The following OLFML2A variants were observed in gnomAD, a reference collection of about 807,000 sequenced individuals.
The protein encoded by OLFML2A is olfactomedin like 2A, also known as olfactomedin-like protein 2A.
A neutral mutation model predicts 60.9 loss-of-function variants in OLFML2A; 47 were observed. The observed-to-expected ratio is 0.77, with a 90% confidence interval of 0.61 to 0.98. The LOEUF (loss-of-function observed/expected upper bound fraction) is 0.98, where lower values mean the gene tolerates loss of function less well. OLFML2A is among the 50% of genes least tolerant of loss of function. The pLI, the probability that OLFML2A is intolerant of heterozygous loss-of-function variation, is 0.00. For missense variants in OLFML2A, 922 were observed against 879.8 expected (o/e 1.05, Z -0.61); for synonymous variants, 372 against 375.0 (o/e 0.99, Z 0.09).
In OLFML2A at chr9:124,804,357, C is replaced by T; in HGVS notation, c.1168+15C>T. The T allele has an allele frequency of 2.6e-6, 4 of 1,533,158 alleles. No individual in the cohort carries two copies. The highest frequency in any genetic ancestry group is 3.5e-6 in the Non-Finnish European group (4 of 1,138,486). The allele number at this position is 1,533,158 out of a possible 1,614,324, so 95.0% of individuals were successfully genotyped here. The stretch of plus-strand genomic sequence containing the variant: ...CTCCAGCCAAGGTGAGTGAGCCTCA[C>T]AGGAGTCAGCACACTGTAGCCTGTG... On this transcript the variant is annotated intron_variant, in intron 6 of 7. Transcript: ENST00000373580.
At chr9:124,786,688 T>C (rs1469403312) in intron 1 of OLFML2A, among the ~76,000 whole-genome samples, 2 of 145,768 alleles carry the variant, frequency 1.4e-5, no homozygotes, top group Non-Finnish European at 3.0e-5. Flanking sequence ...GCTACTGCAC[T>C]CCAGCCTGGG....
In OLFML2A at chr9:124,809,250, A is replaced by C. The variant is rs76661878; in HGVS notation, c.1355-558A>C. ...AAATTGGCCGGCTTTCTGCTCAAGC[A>C]GCGCACAGGGTGGTGGAGGAAGCCA... On this transcript the variant is annotated intron_variant, in intron 7 of 7. Transcript: ENST00000373580. Among the ~76,000 whole-genome samples the C allele has an allele frequency of 5.0e-3, 767 of 152,276 alleles. 15 individuals are homozygous for C. The East Asian group carries it at 0.061, about 12-fold the overall frequency.
chr9:124,801,674 G>A lies in OLFML2A; in HGVS notation c.919+11G>A, dbSNP rs189274809. 100 of 1,610,800 alleles carry A rather than the reference G, an allele frequency of 6.2e-5. No individual in the cohort carries two copies. The African/African-American group carries it at 1.1e-3, about 18-fold the overall frequency. ...CCGAGGCGGTGGCAGGTGAGTAGGA[G>A]GGGAATGGGGACCCTGGGGAGTCAG... On this transcript the variant is annotated intron_variant, in intron 5 of 7. Transcript: ENST00000373580.
At chr9:124,803,761 G>A (rs977207590) in intron 5 of OLFML2A, among the ~76,000 whole-genome samples, 2 of 152,222 alleles carry the variant, frequency 1.3e-5, no homozygotes, top group South Asian at 4.1e-4. Context: ...CCTCGTATTT[G>A]CTGGGATCTG....
Position 124,807,850 on chromosome 9 carries a change from G to A in OLFML2A, c.1238G>A (p.Arg413His), listed in dbSNP as rs201318957. ...DPPVRHHSYG[R>H]HEGAWMKDPA... is the part of the protein sequence containing the mutation. ...CCTGTGAGGCACCACAGCTATGGGCGCCACGAGGGAGCCTGGATGAAGGAC... is the reference window on the plus strand; with the variant it reads ...CCTGTGAGGCACCACAGCTATGGGCACCACGAGGGAGCCTGGATGAAGGAC... Residue 413 changes from arginine (R) to histidine (H), a missense_variant, in exon 7 of 8, where the codon CGC becomes CAC. Coordinates refer to ENST00000373580, the MANE Select transcript of OLFML2A (RefSeq NM_182487.4). The A allele has an allele frequency of 3.0e-5, 48 of 1,614,044 alleles. No homozygotes were observed. Among genetic ancestry groups the A allele is most frequent in the East Asian group, 8.9e-5 (4 of 44,870 alleles).
Position 124,807,944 on chromosome 9 carries a change from C to A in OLFML2A, c.1332C>A (p.Arg444=), listed in dbSNP as rs758056663. ...YYYGNSLVEF[R]NLENFKQGRW... is the part of the protein sequence containing the mutation. ...ATGGAAACAGCCTGGTGGAGTTCCG[C>A]AACCTGGAAAACTTCAAGCAAGGTC... is the stretch of plus-strand genomic sequence containing the variant. Residue 444 remains arginine (R), a synonymous_variant, in exon 7 of 8, where the codon CGC becomes CGA. Transcript: ENST00000373580. 1.2e-6 allele frequency: 2 copies of A among 1,613,932 alleles called. No individual in the cohort carries two copies. The highest frequency in any genetic ancestry group is 1.7e-6 in the Non-Finnish European group (2 of 1,179,920).
chr9:124,786,904 C>A, intron 1 of OLFML2A, 71 bp from the exon 2 acceptor site: 3 of 1,516,066 alleles, frequency 2.0e-6, no homozygotes, highest in Non-Finnish European at 2.7e-6. Flanking sequence ...CTTCTGCCAT[C>A]TCTCCCTTCC....
At chr9:124,783,180 A>G (rs563662683) in intron 1 of OLFML2A, among the ~76,000 whole-genome samples, 9 of 152,038 alleles carry the variant, frequency 5.9e-5, no homozygotes, top group African/African-American at 2.2e-4. Context: ...GGCTGCAGAA[A>G]AAGCAGTGGG....
rs192635843 is a variant in OLFML2A, at chr9:124,778,970, A to G, written c.90+1610A>G. ...GCCTGCCCACGGACAGATAAAAGACAGAAGCCACTAGCCACACGGTGAGTA... is the reference window on the plus strand; with the variant it reads ...GCCTGCCCACGGACAGATAAAAGACGGAAGCCACTAGCCACACGGTGAGTA... On this transcript the variant is annotated intron_variant, in intron 1 of 7. Coordinates refer to ENST00000373580, the MANE Select transcript of OLFML2A (RefSeq NM_182487.4). The G allele has an allele frequency of 1.2e-3, 1,150 of 985,044 alleles. 1 individual carries two copies. Among genetic ancestry groups the G allele is most frequent in the Middle Eastern group, 2.1e-3 (4 of 1,912 alleles). The allele number at this position is 985,044 out of a possible 1,614,324, so 61.0% of individuals were successfully genotyped here.
chr9:124,804,078 G>A lies in OLFML2A; in HGVS notation c.920-16G>A, dbSNP rs576818740. ...GGTGGTGCTGAGATTTGAGCACAGGGGTCTTCTCTCTGCAGACAACACCCT... is the reference window on the plus strand; with the variant it reads ...GGTGGTGCTGAGATTTGAGCACAGGAGTCTTCTCTCTGCAGACAACACCCT... On this transcript the variant is annotated splice_polypyrimidine_tract_variant and intron_variant, in intron 5 of 7. Coordinates refer to ENST00000373580, the MANE Select transcript of OLFML2A (RefSeq NM_182487.4). 6.2e-7 allele frequency: 1 copy of A among 1,613,084 alleles called. No homozygotes were observed. Among genetic ancestry groups the A allele is most frequent in the South Asian group, 1.1e-5 (1 of 91,010 alleles).
In OLFML2A at chr9:124,810,209, T is replaced by A; in HGVS notation, c.1756T>A (p.Tyr586Asn). The A allele has an allele frequency of 6.2e-7, 1 of 1,613,698 alleles. No individual in the cohort carries two copies. Among genetic ancestry groups the A allele is most frequent in the Non-Finnish European group, 8.5e-7 (1 of 1,179,972 alleles). Residue 586 changes from tyrosine (Y) to asparagine (N), a missense_variant, in exon 8 of 8, where the codon TAT becomes AAT. Physicochemically the swap from Tyr to Asn is moderately radical, Grantham distance 143. Transcript: ENST00000373580. ...GNCFLVCGIL[Y>N]AVDTYNQQEG... ...CTGCTTCCTGGTGTGCGGCATCCTG[T>A]ATGCCGTGGACACGTACAACCAGCA...
Position 124,787,108 on chromosome 9 carries a change from A to T in OLFML2A, c.224A>T (p.Tyr75Phe), listed in dbSNP as rs777936073. The T allele has an allele frequency of 1.2e-6, 2 of 1,614,182 alleles. No homozygotes were observed. The highest frequency in any genetic ancestry group is 1.7e-6 in the Non-Finnish European group (2 of 1,180,030). Reference protein sequence around the residue: ...RSGRARVEDFYTVETVSSGTD... With the variant: ...RSGRARVEDFFTVETVSSGTD... ...GGGCGGGCACGCGTGGAGGACTTCT[A>T]CACGGTGGAGACTGTGAGCTCGGGC... Residue 75 changes from tyrosine to phenylalanine, a missense_variant, in exon 2 of 8, where the codon TAC becomes TTC. Coordinates refer to ENST00000373580, the MANE Select transcript of OLFML2A (RefSeq NM_182487.4).
chr9:124,786,764 AC>A (rs1841480724), intron 1 of OLFML2A, among the ~76,000 whole-genome samples: 2 of 148,956 alleles, frequency 1.3e-5, no homozygotes, highest in Non-Finnish European at 3.0e-5. Context: ...ACACACACAC[AC>A]ACACACACAC....
intron 3 of OLFML2A, among the ~76,000 whole-genome samples, chr9:124,797,798 C>A (rs1424474805): frequency 6.6e-6 from 1 of 152,188 alleles, no homozygotes; most frequent in Non-Finnish European, 1.5e-5. Context: ...GGGTGACAGC[C>A]CAGCAAAGGA....
At chr9:124,783,661 C>T (rs971782690) in intron 1 of OLFML2A, among the ~76,000 whole-genome samples, 1 of 152,172 alleles carries the variant, frequency 6.6e-6, no homozygotes, top group Non-Finnish European at 1.5e-5. Context: ...AGATGCCATG[C>T]TCTTAACCTT....
rs139509567 is a variant in OLFML2A, at chr9:124,792,293, C to T, written c.355-2731C>T. On this transcript the variant is annotated intron_variant, in intron 2 of 7. Coordinates refer to ENST00000373580, the MANE Select transcript of OLFML2A (RefSeq NM_182487.4). ...CTCCAGTGTGTCACTGCCTCTGTCC[C>T]CTGATCTAGGCTCCTGTGTGTCACT... is the stretch of plus-strand genomic sequence containing the variant. Among the ~76,000 whole-genome samples, 50 of 152,182 alleles carry T rather than the reference C, an allele frequency of 3.3e-4. No individual in the cohort carries two copies. The East Asian group carries it at 9.7e-3, about 29-fold the overall frequency.
rs146019713 is a variant in OLFML2A at position 124,810,088 on chromosome 9, C to T, written c.1635C>T (p.Pro545=). The T allele has an allele frequency of 2.2e-4, 361 of 1,613,832 alleles. 2 individuals carry two copies. The African/African-American group carries it at 3.4e-3, about 15-fold the overall frequency. ...TGGACGACCGCGATGAGGCCCAGCC[C>T]GAGGTGATCGTCCTGAGTCGCTTGG... ...PAVDDRDEAQ[P]EVIVLSRLDP... The change falls in exon 8 of 8, where the codon CCC becomes CCT. Residue 545 remains proline (P), a synonymous_variant. Transcript: ENST00000373580.
intron 4 of OLFML2A, chr9:124,800,825 G>A: frequency 7.3e-7 from 1 of 1,371,698 alleles, no homozygotes. Context: ...AGCATCGGAG[G>A]CATTTAAATA....
chr9:124,810,159 G>A lies in OLFML2A; in HGVS notation c.1706G>A (p.Arg569Gln), dbSNP rs752387481. The A allele has an allele frequency of 1.2e-6, 2 of 1,613,914 alleles. No homozygotes were observed. The highest frequency in any genetic ancestry group is 1.1e-5 in the South Asian group (1 of 91,088). ...CACCGGGAGACCACGTGGAAGACAC[G>A]GCTGCGGCGGAACTCCTACGGGAAC... Reference protein sequence around the residue: ...SVHRETTWKTRLRRNSYGNCF... With the variant: ...SVHRETTWKTQLRRNSYGNCF... The change falls in exon 8 of 8, where the codon CGG becomes CAG. Residue 569 changes from arginine (R) to glutamine (Q), a missense_variant. By Grantham distance (43) the Arg-to-Gln change is conservative (BLOSUM62 1). Transcript: ENST00000373580.
Sources: allele counts gnomAD v4.1 joint callset (sites outside exome capture counted in the v4.1 genomes callset), GRCh38; gene constraint gnomAD v4.1.1; transcripts MANE v1.5; gene names NCBI Gene and HGNC (gene_info 2026-07-23, HGNC 2026-07-21).